VWF: variants seen among roughly 807,000 people sequenced by gnomAD.
VWF encodes Factor VIII related antigen.
Under a neutral mutation model 308.6 loss-of-function variants are expected in VWF, and 176 were observed. The observed-to-expected ratio is 0.57, with a 90% CI of 0.50 to 0.65. The LOEUF (loss-of-function observed/expected upper bound fraction) is 0.65, where lower values mean the gene tolerates loss of function less well. Among genes scored for constraint, VWF ranks in the 30% least tolerant of loss-of-function variants. VWF has a pLI of 0.00. For synonymous variants in VWF, 1,385 were observed against 1,443.4 expected (o/e 0.96, Z 0.92); for missense variants, 3,146 against 3,648.2 (o/e 0.86, Z 3.55).
At chr12:6,038,412 C>T (rs370214924) in intron 18 of VWF, among the ~76,000 whole-genome samples, 1 of 152,260 alleles carries the variant, frequency 6.6e-6, no homozygotes, top group Non-Finnish European at 1.5e-5. Flanking sequence ...ACCTCAGCAG[C>T]ACATGTTGCC....
chr12:5,950,467 C>A (rs901884446), intron 50 of VWF, among the ~76,000 whole-genome samples: 1 of 152,056 alleles, frequency 6.6e-6, no homozygotes, highest in Admixed American at 6.5e-5. Context: ...GCATTCAGAT[C>A]TGAATCTCTA....
chr12:6,046,718 C>T lies in VWF; in HGVS notation c.2281+5G>A. ...CAATGGGCCTTCCAGGGGGACAGTA[C>T]TCACTGCGATGAGACAGGGGACTGC... is the stretch of plus-strand genomic sequence containing the variant. On this transcript the variant is annotated splice_donor_5th_base_variant and intron_variant, in intron 17 of 51. Coordinates refer to ENST00000261405, the MANE Select transcript of VWF (RefSeq NM_000552.5). The surrounding 1 kb of genome is among the most constrained non-coding windows in gnomAD (Gnocchi z 5.0). The T allele has an allele frequency of 6.2e-7, 1 of 1,613,958 alleles. No individual in the cohort carries two copies. The highest frequency in any genetic ancestry group is 2.2e-5 in the East Asian group (1 of 44,882).
chr12:6,061,216 CAAAA>C (rs768135638), intron 13 of VWF, among the ~76,000 whole-genome samples: 3 of 151,874 alleles, frequency 2.0e-5, no homozygotes, highest in Non-Finnish European at 2.9e-5. Flanking sequence ...ACAAAACAAA[CAAAA>C]AGAAAGTGAA....
chr12:6,062,974 G>A lies in VWF; in HGVS notation c.1513C>T (p.Arg505Cys), dbSNP rs776211220. The A allele has an allele frequency of 1.1e-5, 17 of 1,612,912 alleles. No homozygotes were observed. Among genetic ancestry groups the A allele is most frequent in the African/African-American group, 2.7e-5 (2 of 74,916 alleles). ...CCTACCTTCACCAGCAGCCTCCCGC[G>A]GCCATCCCAGTCCATCTGCAGGTCC... ...GEDLQMDWDG[R>C]GRLLVKLSPV... Residue 505 changes from arginine (R) to cysteine (C), a missense_variant, in exon 13 of 52, where the codon CGC becomes TGC. Physicochemically the swap from Arg to Cys is radical, Grantham distance 180 (BLOSUM62 -3). Coordinates refer to ENST00000261405, the MANE Select transcript of VWF (RefSeq NM_000552.5).
At chr12:5,990,167 G>A (rs1481555726) in intron 38 of VWF, among the ~76,000 whole-genome samples, 3 of 152,186 alleles carry the variant, frequency 2.0e-5, no homozygotes, top group South Asian at 2.1e-4. Context: ...CACTATAAGT[G>A]ACTATAAGTA....
chr12:5,949,618 T>G (rs1482611612), intron 51 of VWF, among the ~76,000 whole-genome samples, 168 bp downstream of exon 51: 1 of 152,122 alleles, frequency 6.6e-6, no homozygotes, highest in East Asian at 1.9e-4. Context: ...AGTCAAAAAT[T>G]TCCAGTTACT....
rs61750089 is a variant in VWF, at chr12:6,019,036, G to A, written c.4382C>T (p.Ala1461Val). 1 of 1,613,884 alleles carries A rather than the reference G, an allele frequency of 6.2e-7. No individual in the cohort carries two copies. The highest frequency in any genetic ancestry group is 1.3e-5 in the African/African-American group (1 of 75,020). The change falls in exon 28 of 52, where the codon GCC becomes GTC. Residue 1461 changes from alanine to valine, a missense_variant. Coordinates refer to ENST00000261405, the MANE Select transcript of VWF (RefSeq NM_000552.5). The surrounding 1 kb of genome is among the most constrained non-coding windows in gnomAD (Gnocchi z 5.8). ...CAGAGTAGGAGGAGGGGCTTCAGGG[G>A]CAAGGTCACAGAGGTAGCTAACGAT... ...DEIVSYLCDL[A>V]PEAPPPTLPP... is the part of the protein sequence containing the mutation.
chr12:6,076,558 A>T, intron 6 of VWF, among the ~76,000 whole-genome samples: 1 of 152,226 alleles, frequency 6.6e-6, no homozygotes, highest in East Asian at 1.9e-4. Context: ...TGGATGCATA[A>T]TGCAATACTC....
chr12:6,061,472 A>G (rs1298705137), intron 13 of VWF, among the ~76,000 whole-genome samples: 1 of 94,404 alleles, frequency 1.1e-5, no homozygotes. Flanking sequence ...TCATAAAAGG[A>G]AAAAAAAAAA....
At chr12:5,997,419 C>A (rs1943818406) in intron 34 of VWF, among the ~76,000 whole-genome samples, 2 of 152,154 alleles carry the variant, frequency 1.3e-5, no homozygotes, top group Non-Finnish European at 2.9e-5. Flanking sequence ...ATGGCTCTGC[C>A]CACCCTAAGA....
At chr12:6,032,367 T>C (rs78115802) in intron 20 of VWF, among the ~76,000 whole-genome samples, 32,690 of 140,662 alleles carry the variant, frequency 0.23, 4,309 homozygotes, top group Non-Finnish European at 0.25. Context: ...AGGCCGGGCA[T>C]GGTGGCCCAC....
chr12:5,977,875 C>A (rs216858), intron 42 of VWF, among the ~76,000 whole-genome samples: 78,562 of 147,340 alleles, frequency 0.53, 22,027 homozygotes, highest in East Asian at 0.65. Flanking sequence ...ATCTCTCTCT[C>A]TATATATATA....
intron 20 of VWF, 131 bp from the exon 21 acceptor site, chr12:6,031,709 T>C (rs1386520143): frequency 1.4e-6 from 2 of 1,412,740 alleles, no homozygotes; most frequent in Non-Finnish European, 2.0e-6. Flanking sequence ...TGGCTGCGCA[T>C]ATGTGCCTCT....
At chr12:6,097,731 T>C (rs979977814) in intron 5 of VWF, among the ~76,000 whole-genome samples, 2 of 152,202 alleles carry the variant, frequency 1.3e-5, no homozygotes, top group South Asian at 4.1e-4. Context: ...GGTAATGTGT[T>C]GGTAGCCACA....
At chr12:5,969,805 C>G (rs542351519) in intron 44 of VWF, among the ~76,000 whole-genome samples, 1 of 152,176 alleles carries the variant, frequency 6.6e-6, no homozygotes, top group Non-Finnish European at 1.5e-5. Context: ...GGCAGAAGCC[C>G]GGGAAGGCTG....
At chr12:6,110,628 T>G (rs984825102) in intron 4 of VWF, 46 bp from the exon 5 acceptor site, 1 of 1,591,548 alleles carries the variant, frequency 6.3e-7, no homozygotes, top group African/African-American at 1.3e-5. Context: ...TTGTGCATTT[T>G]CTGGATGTCT....
In VWF at chr12:5,981,007, A is replaced by G. The variant is rs1469644654; in HGVS notation, c.7287+779T>C. ...ACTGCTGTTTGTAATGAAAATCTGT[A>G]CCATTCGTTGACACTTTATTATATT... On this transcript the variant is annotated intron_variant, in intron 42 of 51. Transcript: ENST00000261405. Among the ~76,000 whole-genome samples the G allele has an allele frequency of 3.3e-5, 5 of 152,142 alleles. No homozygotes were observed. In the East Asian group the frequency reaches 5.8e-4, roughly 18 times the overall value.
At chr12:6,092,507 G>A (rs562633208) in intron 6 of VWF, among the ~76,000 whole-genome samples, 3 of 106,466 alleles carry the variant, frequency 2.8e-5, no homozygotes, top group South Asian at 7.8e-4. Flanking sequence ...TGCCCAGCTA[G>A]TATGTGTTTG....
Position 6,011,893 on chromosome 12 carries a change from C to G in VWF, c.5665-99G>C, listed in dbSNP as rs992185160. The G allele has an allele frequency of 1.9e-5, 26 of 1,391,538 alleles. No homozygotes were observed. The Admixed American group carries it at 4.5e-4, about 24-fold the overall frequency. The allele number at this position is 1,391,538 out of a possible 1,614,324, so 86.2% of individuals were successfully genotyped here. ...ACTGACCCCTAGAATTGAACACAGGCCTACACAGCAAGGAGGCCCCCTGTA... is the reference window on the plus strand; with the variant it reads ...ACTGACCCCTAGAATTGAACACAGGGCTACACAGCAAGGAGGCCCCCTGTA... On this transcript the variant is annotated intron_variant, in intron 33 of 51. Coordinates refer to ENST00000261405, the MANE Select transcript of VWF (RefSeq NM_000552.5).
Sources: gnomAD v4.1 joint callset for allele counts (sites outside exome capture counted in the v4.1 genomes callset) on GRCh38, gnomAD v4.1.1 for gene constraint, Gnocchi (gnomAD v3.1) non-coding constraint, MANE v1.5 for transcripts, NCBI Gene and HGNC (gene_info 2026-07-23, HGNC 2026-07-21) for gene names.